AUTS2: variants seen among roughly 807,000 people sequenced by gnomAD.
The protein encoded by AUTS2 is activator of transcription and developmental regulator AUTS2, also known as autism susceptibility gene 2 protein.
In AUTS2, 17 loss-of-function variants were observed where a neutral mutation model predicts 112.4. The observed-to-expected ratio is 0.15, with a 90% CI of 0.10 to 0.23. The LOEUF (loss-of-function observed/expected upper bound fraction) is 0.23, where lower values mean the gene tolerates loss of function less well. Among genes scored for constraint, AUTS2 ranks in the 10% least tolerant of loss-of-function variants. The probability of loss-of-function intolerance (pLI) is 1.00; values close to 1 mark genes in which losing one functional copy is unlikely to be tolerated. For missense variants in AUTS2, 1,510 were observed against 1,701.6 expected (o/e 0.89, Z 1.98); for synonymous variants, 751 against 702.7 (o/e 1.07, Z -1.09).
chr7:69,676,253 C>T (rs1034331927), intron 1 of AUTS2, among the ~76,000 whole-genome samples: 1 of 152,044 alleles, frequency 6.6e-6, no homozygotes, highest in Non-Finnish European at 1.5e-5. Context: ...AGTTGTAGAC[C>T]CTTAGGTATG....
chr7:70,181,327 G>A (rs888874750), intron 4 of AUTS2, among the ~76,000 whole-genome samples: 2 of 152,248 alleles, frequency 1.3e-5, no homozygotes, highest in Middle Eastern at 3.4e-3. Context: ...AGTGCTTGGC[G>A]TGATTGATAC....
At position 70,077,514 on chromosome 7, in the gene AUTS2, G is replaced by A. The variant is rs150332980; in HGVS notation, c.523-40618G>A. The stretch of plus-strand genomic sequence containing the variant: ...TCTCACAAAGCTTGACAAATGCCCT[G>A]TACATAGGAGGAGCAAAGTGTTTGT... On this transcript the variant is annotated intron_variant, in intron 2 of 18. Transcript: ENST00000342771. Among the ~76,000 whole-genome samples, 929 of 152,260 alleles carry A rather than the reference G, an allele frequency of 6.1e-3. 7 individuals carry two copies. Among genetic ancestry groups the A allele is most frequent in the African/African-American group, 0.021 (867 of 41,568 alleles).
At chr7:69,711,101 A>T (rs1798304492) in intron 1 of AUTS2, among the ~76,000 whole-genome samples, 1 of 152,200 alleles carries the variant, frequency 6.6e-6, no homozygotes, top group Non-Finnish European at 1.5e-5. Flanking sequence ...TAGTGGGCAG[A>T]TAGAAATCAG....
rs1299877866 is a variant in AUTS2 at position 70,793,385 on chromosome 7, CTT to C, written c.*2392_*2393del. Reference sequence around the variant, plus strand: ...TTTTTCCTGTCTTAGCTTTTTCTCTCTTTTAATTACGTGGTGTAGTCCTCATC... The same window carrying C: ...TTTTTCCTGTCTTAGCTTTTTCTCTCTTAATTACGTGGTGTAGTCCTCATC... On this transcript the variant is annotated 3_prime_UTR_variant, in exon 19 of 19. Transcript: ENST00000342771. 6.6e-6 allele frequency: 1 copy of C among 151,964 alleles called. No homozygotes were observed. Among genetic ancestry groups the C allele is most frequent in the Non-Finnish European group, 1.5e-5 (1 of 67,990 alleles). 9.4% of individuals were successfully genotyped at this position (151,964 alleles called of 1,614,324 possible).
At chr7:70,495,282 C>A (rs185247919) in intron 5 of AUTS2, among the ~76,000 whole-genome samples, 3 of 151,594 alleles carry the variant, frequency 2.0e-5, no homozygotes, top group East Asian at 3.9e-4. Context: ...AGTCCACCCC[C>A]CTTCTACTTA....
rs143438656 is a variant in AUTS2, at chr7:70,361,688, G to A, written c.661-74064G>A. On this transcript the variant is annotated intron_variant, in intron 4 of 18. Transcript: ENST00000342771. ...TCCACCAAAGAAACAAGGGTAGGAT[G>A]AACAGAAAGGGAGAAAGATGTTGAA... Among the ~76,000 whole-genome samples, 272 of 152,276 alleles carry A rather than the reference G, an allele frequency of 1.8e-3. 1 individual carries two copies. Among genetic ancestry groups the A allele is most frequent in the African/African-American group, 5.8e-3 (241 of 41,560 alleles).
chr7:69,924,496 G>A (rs1279631492), intron 2 of AUTS2, among the ~76,000 whole-genome samples: 1 of 150,926 alleles, frequency 6.6e-6, no homozygotes, highest in African/African-American at 2.4e-5. Context: ...AAGAGTTTGT[G>A]TAGAATTGTT....
chr7:69,607,526 G>A (rs577528445), intron 1 of AUTS2, among the ~76,000 whole-genome samples: 114 of 152,322 alleles, frequency 7.5e-4, no homozygotes, highest in African/African-American at 2.5e-3. Flanking sequence ...CTCTAAAGGT[G>A]AATTGCTTGC....
chr7:70,503,719 A>C (rs1019825927), intron 5 of AUTS2, among the ~76,000 whole-genome samples: 1 of 151,244 alleles, frequency 6.6e-6, no homozygotes, highest in African/African-American at 2.4e-5. Context: ...AGGTCTTCTT[A>C]TGTTCCCCAG....
At chr7:69,950,498 T>C (rs1796981667) in intron 2 of AUTS2, among the ~76,000 whole-genome samples, 1 of 152,184 alleles carries the variant, frequency 6.6e-6, no homozygotes, top group African/African-American at 2.4e-5. Context: ...TGAAATAATA[T>C]GTTGGGAGAC....
intron 1 of AUTS2, among the ~76,000 whole-genome samples, chr7:69,778,732 A>C (rs1183094497): frequency 1.3e-5 from 2 of 152,158 alleles, no homozygotes; most frequent in Non-Finnish European, 1.5e-5. Flanking sequence ...CAGACTGATG[A>C]GTTTGTGAGC....
At chr7:70,533,277 A>C (rs1176521224) in intron 5 of AUTS2, among the ~76,000 whole-genome samples, 1 of 152,092 alleles carries the variant, frequency 6.6e-6, no homozygotes, top group Non-Finnish European at 1.5e-5. Flanking sequence ...CACCATGCCC[A>C]GCTACTTTTT....
intron 4 of AUTS2, among the ~76,000 whole-genome samples, chr7:70,422,665 T>C (rs1198897725): frequency 6.6e-6 from 1 of 152,048 alleles, no homozygotes; most frequent in African/African-American, 2.4e-5. Flanking sequence ...ATAGTCCCAC[T>C]TATGGGAAGC....
chr7:69,877,232 C>G (rs1344209735), intron 1 of AUTS2, among the ~76,000 whole-genome samples: 1 of 152,108 alleles, frequency 6.6e-6, no homozygotes, highest in Non-Finnish European at 1.5e-5. Context: ...GTGTTAAGAG[C>G]TTTGAGTAAA....
intron 1 of AUTS2, among the ~76,000 whole-genome samples, chr7:69,600,532 C>G (rs1792331846): frequency 7.9e-6 from 1 of 126,190 alleles, no homozygotes; most frequent in Non-Finnish European, 1.6e-5. Flanking sequence ...ATTACCCCCC[C>G]ATATTCTTTT....
chr7:70,345,068 C>T (rs1178428634), intron 4 of AUTS2, among the ~76,000 whole-genome samples: 6 of 152,166 alleles, frequency 3.9e-5, no homozygotes, highest in Admixed American at 6.5e-5. Flanking sequence ...TGTATGCTGA[C>T]GTCTTCTGAT....
chr7:70,190,301 C>T (rs1347415275), intron 4 of AUTS2, among the ~76,000 whole-genome samples: 5 of 152,046 alleles, frequency 3.3e-5, no homozygotes, highest in South Asian at 2.1e-4. Flanking sequence ...GATGTTTGAA[C>T]GGAAAAAGAA....
intron 5 of AUTS2, among the ~76,000 whole-genome samples, chr7:70,458,843 C>T (rs908219255): frequency 2.6e-5 from 4 of 152,216 alleles, no homozygotes; most frequent in Admixed American, 6.5e-5. Flanking sequence ...GTGCTGTGCA[C>T]GTGACTGCAG....
intron 1 of AUTS2, among the ~76,000 whole-genome samples, chr7:69,663,426 C>T (rs1457628294): frequency 6.6e-6 from 1 of 151,966 alleles, no homozygotes; most frequent in Non-Finnish European, 1.5e-5. Flanking sequence ...ATAAGATACA[C>T]CCCAGATGTG....
Sources: allele counts gnomAD v4.1 joint callset (sites outside exome capture counted in the v4.1 genomes callset), GRCh38; gene constraint gnomAD v4.1.1; transcripts MANE v1.5; gene names NCBI Gene and HGNC (gene_info 2026-07-23, HGNC 2026-07-21).